The following KDM4C variants were observed in gnomAD, a reference collection of about 807,000 sequenced individuals.
KDM4C encodes the protein lysine-specific demethylase 4C.
In KDM4C, 81 loss-of-function variants were observed where a neutral mutation model predicts 129.3. That is an observed-to-expected ratio of 0.63 (90% CI 0.52 to 0.75). The LOEUF (loss-of-function observed/expected upper bound fraction) is 0.75, where lower values mean the gene tolerates loss of function less well. Among genes scored for constraint, KDM4C ranks in the 30% least tolerant of loss-of-function variants. The pLI is 0.00. For synonymous variants in KDM4C, 573 were observed against 456.1 expected (o/e 1.26, Z -3.26); for missense variants, 1,457 against 1,304.0 (o/e 1.12, Z -1.81).
At chr9:6,763,631 A>G (rs1288896173) in intron 1 of KDM4C, among the ~76,000 whole-genome samples, 1 of 152,224 alleles carries the variant, frequency 6.6e-6, no homozygotes, top group Admixed American at 6.5e-5. Context: ...CCTATGAATC[A>G]GTGTTACCAT....
At chr9:7,105,418 A>G (rs1424243278) in intron 18 of KDM4C, 1 of 470,822 alleles carries the variant, frequency 2.1e-6, no homozygotes, top group Admixed American at 2.3e-5. Context: ...GCACAGAGTA[A>G]GCACTCAAAA....
intron 17 of KDM4C, among the ~76,000 whole-genome samples, chr9:7,083,929 A>G (rs1834828634): frequency 6.6e-6 from 1 of 152,164 alleles, no homozygotes; most frequent in African/African-American, 2.4e-5. Context: ...TAAAAACATT[A>G]TATAGAGAGA....
At chr9:7,092,022 T>C (rs1389986857) in intron 17 of KDM4C, among the ~76,000 whole-genome samples, 5 of 152,232 alleles carry the variant, frequency 3.3e-5, no homozygotes. Context: ...GTGATCTGAT[T>C]TTTTTGTCCC....
chr9:7,000,608 A>C (rs1470057050), intron 12 of KDM4C, among the ~76,000 whole-genome samples: 1 of 152,222 alleles, frequency 6.6e-6, no homozygotes, highest in African/African-American at 2.4e-5. Context: ...TCAATTCTTT[A>C]GAAAAATAAT....
chr9:7,099,671 T>C (rs1440783866), intron 17 of KDM4C, among the ~76,000 whole-genome samples: 2 of 152,212 alleles, frequency 1.3e-5, no homozygotes, highest in Admixed American at 6.5e-5. Flanking sequence ...CACTGGGAAC[T>C]TGTTAGAAAT....
chr9:6,972,890 T>C lies in KDM4C; in HGVS notation c.922-8035T>C, dbSNP rs533024660. 1.3e-3 allele frequency among the ~76,000 whole-genome samples: 203 copies of C among 152,340 alleles called. 3 individuals are homozygous for C. Among genetic ancestry groups the C allele is most frequent in the African/African-American group, 4.1e-3 (169 of 41,588 alleles). The stretch of plus-strand genomic sequence containing the variant: ...GAAATTGTAAGAACACTGAAATCCA[T>C]TGTGTGTTTTTCTATCTTCTGTTTG... On this transcript the variant is annotated intron_variant, in intron 8 of 21. Coordinates refer to ENST00000381309, the MANE Select transcript of KDM4C (RefSeq NM_015061.6).
chr9:6,979,144 C>T (rs1382894823), intron 8 of KDM4C, among the ~76,000 whole-genome samples: 1 of 152,110 alleles, frequency 6.6e-6, no homozygotes, highest in East Asian at 1.9e-4. Context: ...GGTTGTAAGT[C>T]CAAGCTTTTT....
At chr9:6,994,256 G>C (rs779396562) in intron 12 of KDM4C, among the ~76,000 whole-genome samples, 9 of 152,100 alleles carry the variant, frequency 5.9e-5, no homozygotes, top group Non-Finnish European at 1.0e-4. Flanking sequence ...CCACGGACTG[G>C]TACTATTCTA....
At chr9:7,089,769 A>G (rs1210347312) in intron 17 of KDM4C, among the ~76,000 whole-genome samples, 1 of 152,232 alleles carries the variant, frequency 6.6e-6, no homozygotes, top group Non-Finnish European at 1.5e-5. Flanking sequence ...AGCACTTTAA[A>G]TTAGACTTAA....
At position 6,761,721 on chromosome 9, in the gene KDM4C, G is replaced by C. The variant is rs541433155; in HGVS notation, c.-18+3518G>C. Among the ~76,000 whole-genome samples the C allele has an allele frequency of 5.3e-5, 8 of 152,284 alleles. No individual in the cohort carries two copies. The East Asian group carries it at 1.3e-3, about 26-fold the overall frequency. The stretch of plus-strand genomic sequence containing the variant: ...TTTAGTGATAAGATAGGTACATTCT[G>C]TACTTTGATTAAGCTCAATATCTAC... On this transcript the variant is annotated intron_variant, in intron 1 of 21. Transcript: ENST00000381309.
rs1407864 is a variant in KDM4C at position 7,110,593 on chromosome 9, G to A, written c.2610+6723G>A. ...CCTACCACCTCCTCATCCTCTACGC[G>A]CTTGGATCCACAGCCTGATTATGGT... On this transcript the variant is annotated intron_variant, in intron 18 of 21. Coordinates refer to ENST00000381309, the MANE Select transcript of KDM4C (RefSeq NM_015061.6). 2.9e-3 allele frequency among the ~76,000 whole-genome samples: 437 copies of A among 152,226 alleles called. 2 individuals are homozygous for A. Among genetic ancestry groups the A allele is most frequent in the South Asian group, 0.017 (80 of 4,822 alleles).
chr9:6,911,903 C>G (rs572604989), intron 8 of KDM4C, among the ~76,000 whole-genome samples: 3 of 152,234 alleles, frequency 2.0e-5, no homozygotes, highest in African/African-American at 4.8e-5. Context: ...GATCCTGGTT[C>G]TGGCTTCTTA....
chr9:7,102,945 A>T (rs764549908), intron 17 of KDM4C, among the ~76,000 whole-genome samples: 1 of 152,162 alleles, frequency 6.6e-6, no homozygotes, highest in African/African-American at 2.4e-5. Flanking sequence ...TGTACTGATA[A>T]TGTTTAGGGC....
chr9:7,000,347 T>C (rs1384586885), intron 12 of KDM4C, among the ~76,000 whole-genome samples: 1 of 152,202 alleles, frequency 6.6e-6, no homozygotes, highest in African/African-American at 2.4e-5. Flanking sequence ...GCTTTCTGTA[T>C]TTCTTACTTT....
rs150604270 is a variant in KDM4C at position 7,013,889 on chromosome 9, T to C, written c.2070T>C (p.Cys690=). 3.1e-6 allele frequency: 5 copies of C among 1,613,826 alleles called. No homozygotes were observed. The highest frequency in any genetic ancestry group is 4.2e-6 in the Non-Finnish European group (5 of 1,179,868). The change falls in exon 14 of 22, where the codon TGT becomes TGC. Residue 690 remains cysteine, a synonymous_variant. Coordinates refer to ENST00000381309, the MANE Select transcript of KDM4C (RefSeq NM_015061.6). ...CTAAGCCCCTCATACCAGAGATGTG[T>C]TTTATTTATAGTGAAGAAAATATAG... ...GKTKPLIPEM[C]FIYSEENIEY...
chr9:6,812,575 C>T (rs1831356638), intron 3 of KDM4C, among the ~76,000 whole-genome samples: 1 of 152,148 alleles, frequency 6.6e-6, no homozygotes, highest in South Asian at 2.1e-4. Context: ...CAGTTCACAA[C>T]AGGGTTCATA....
At chr9:7,093,400 A>ATAAAAAT (rs1836037035) in intron 17 of KDM4C, among the ~76,000 whole-genome samples, 3 of 152,196 alleles carry the variant, frequency 2.0e-5, no homozygotes, top group African/African-American at 7.2e-5. Context: ...CAACACGAAA[A>ATAAAAAT]AAGAAAACGG....
chr9:6,886,470 G>T (rs1377766241), intron 6 of KDM4C, among the ~76,000 whole-genome samples: 2 of 148,880 alleles, frequency 1.3e-5, no homozygotes, highest in Non-Finnish European at 3.0e-5. Flanking sequence ...GCACCACCAT[G>T]CCCGCCTAAT....
intron 1 of KDM4C, among the ~76,000 whole-genome samples, chr9:6,728,478 G>A (rs1817216391): frequency 1.3e-5 from 2 of 151,954 alleles, no homozygotes; most frequent in Non-Finnish European, 2.9e-5. Context: ...AGGTTTCAGT[G>A]AACTGAGATC....
Sources: allele counts gnomAD v4.1 joint callset (sites outside exome capture counted in the v4.1 genomes callset), GRCh38; gene constraint gnomAD v4.1.1; transcripts MANE v1.5; gene names NCBI Gene and HGNC (gene_info 2026-07-23, HGNC 2026-07-21).